The following AGTPBP1 variants were observed in gnomAD, a reference collection of about 807,000 sequenced individuals.
AGTPBP1 encodes the protein ATP/GTP binding carboxypeptidase 1, also known as cytosolic carboxypeptidase 1.
A neutral mutation model predicts 143.9 loss-of-function variants in AGTPBP1; 70 were observed. The observed-to-expected ratio is 0.49, with a 90% CI of 0.40 to 0.59. The LOEUF is 0.59. Ranked by LOEUF, AGTPBP1 falls within the 20% of genes least tolerant of loss-of-function variation. The pLI is 0.00. For synonymous variants in AGTPBP1, 463 were observed against 500.2 expected (o/e 0.93, Z 0.99); for missense variants, 1,229 against 1,464.5 (o/e 0.84, Z 2.62).
chr9:85,732,893 T>C (rs1838984055), intron 1 of AGTPBP1, among the ~76,000 whole-genome samples: 1 of 152,228 alleles, frequency 6.6e-6, no homozygotes, highest in East Asian at 1.9e-4. Context: ...AAGTATATTA[T>C]ATATTAATAA....
the AGTPBP1 span, among the ~76,000 whole-genome samples, chr9:85,778,627 G>A: frequency 2.0e-5 from 3 of 152,114 alleles, no homozygotes; most frequent in Non-Finnish European, 4.4e-5. Flanking sequence ...CCCAAATGAG[G>A]AATGTGCTGC....
chr9:85,663,926 TAAAC>T lies in AGTPBP1; in HGVS notation c.663-2957_663-2954del, dbSNP rs10617691. 3.3e-3 allele frequency among the ~76,000 whole-genome samples: 502 copies of T among 152,114 alleles called. 3 individuals are homozygous for T. The highest frequency in any genetic ancestry group is 0.011 in the African/African-American group (443 of 41,516). On this transcript the variant is annotated intron_variant, in intron 8 of 25. Coordinates refer to ENST00000357081, the MANE Select transcript of AGTPBP1 (RefSeq NM_001330701.2). ...AAATGTCCATTAAGAGGTGAATAAATAAACAAATGACAATACAGCCATATAACTG... is the reference window on the plus strand; with the variant it reads ...AAATGTCCATTAAGAGGTGAATAAATAAATGACAATACAGCCATATAACTG...
At chr9:85,668,152 A>G (rs374039842) in intron 8 of AGTPBP1, among the ~76,000 whole-genome samples, 17 of 152,246 alleles carry the variant, frequency 1.1e-4, no homozygotes, top group Middle Eastern at 3.4e-3. Context: ...TGATAGTACA[A>G]CTGGGTAACA....
chr9:85,683,028 C>CG (rs1269457455), intron 3 of AGTPBP1, among the ~76,000 whole-genome samples: 2 of 152,150 alleles, frequency 1.3e-5, no homozygotes, highest in South Asian at 2.1e-4. Context: ...TGCATCATCT[C>CG]GGGTTCAGTT....
intron 3 of AGTPBP1, among the ~76,000 whole-genome samples, chr9:85,686,444 C>CT (rs1171142637): frequency 6.6e-6 from 1 of 152,090 alleles, no homozygotes; most frequent in Non-Finnish European, 1.5e-5. Context: ...TCTTCACCCT[C>CT]TTATAGCCCT....
the AGTPBP1 span, chr9:85,773,862 C>T: frequency 5.6e-5 from 90 of 1,608,990 alleles, no homozygotes; most frequent in Non-Finnish European, 7.2e-5. Context: ...AGAAGCTGAA[C>T]GGAAACAACA....
In AGTPBP1 at chr9:85,677,449, C is replaced by G; in HGVS notation, c.423G>C (p.Lys141Asn). The change falls in exon 6 of 26, where the codon AAG becomes AAC. Residue 141 changes from lysine (K) to asparagine (N), a missense_variant. By Grantham distance (94) the Lys-to-Asn change is moderately conservative (BLOSUM62 0). This residue lies in a region of AGTPBP1 where 743 missense variants were observed against 812.2 expected (regional missense o/e 0.91). Transcript: ENST00000357081. ...LMVQIHSILA[K>N]IGPKDKKFGV... ...GAAATCCCTTACCTTTTGGTCCAAT[C>G]TTTGCAAGAATAGAATGAATCTGTA... 2 of 1,606,098 alleles carry G rather than the reference C, an allele frequency of 1.2e-6. No individual in the cohort carries two copies. Among genetic ancestry groups the G allele is most frequent in the Non-Finnish European group, 1.7e-6 (2 of 1,176,696 alleles).
At chr9:85,618,487 A>G (rs1830722728) in intron 17 of AGTPBP1, among the ~76,000 whole-genome samples, 1 of 152,148 alleles carries the variant, frequency 6.6e-6, no homozygotes, top group South Asian at 2.1e-4. Flanking sequence ...CCTCTTTAGT[A>G]GAAATGAAAA....
rs541888401 is a variant in AGTPBP1 at position 85,621,130 on chromosome 9, C to A, written c.2099+72G>T. ...CCAACATTTTTCACAGAATTTTTAT[C>A]TTTTAGAAATAATACTAAAATTTTA... On this transcript the variant is annotated intron_variant, in intron 15 of 25. Transcript: ENST00000357081. 70 of 813,480 alleles carry A rather than the reference C, an allele frequency of 8.6e-5. No individual in the cohort carries two copies. The East Asian group carries it at 2.4e-3, about 28-fold the overall frequency. The allele number at this position is 813,480 out of a possible 1,614,324, so 50.4% of individuals were successfully genotyped here.
chr9:85,655,514 G>A (rs560469678), intron 10 of AGTPBP1, among the ~76,000 whole-genome samples, 194 bp from the exon 11 acceptor site: 1 of 152,206 alleles, frequency 6.6e-6, no homozygotes, highest in South Asian at 2.1e-4. Context: ...AGAACCCCAT[G>A]TGGCAAATTC....
chr9:85,659,234 T>C (rs1392272649), intron 9 of AGTPBP1, among the ~76,000 whole-genome samples: 1 of 152,168 alleles, frequency 6.6e-6, no homozygotes, highest in Non-Finnish European at 1.5e-5. Flanking sequence ...ATTCATGTAT[T>C]CAGTGTACCA....
At chr9:85,680,526 T>C (rs1400365895) in intron 4 of AGTPBP1, among the ~76,000 whole-genome samples, 5 of 151,720 alleles carry the variant, frequency 3.3e-5, no homozygotes, top group South Asian at 2.1e-4. Flanking sequence ...AGAGGTTGCA[T>C]TGAGCCGAGA....
chr9:85,573,386 G>A lies in AGTPBP1; in HGVS notation c.3503+1929C>T, dbSNP rs557199685. Among the ~76,000 whole-genome samples the A allele has an allele frequency of 2.4e-4, 36 of 152,334 alleles. No homozygotes were observed. The South Asian group carries it at 6.0e-3, about 25-fold the overall frequency. ...CTCCCGAGGTGCTGGGATTGCAGACGGAGTCTCGTTCACTCAGTGCTCAAT... is the reference window on the plus strand; with the variant it reads ...CTCCCGAGGTGCTGGGATTGCAGACAGAGTCTCGTTCACTCAGTGCTCAAT... On this transcript the variant is annotated intron_variant, in intron 25 of 25. Coordinates refer to ENST00000357081, the MANE Select transcript of AGTPBP1 (RefSeq NM_001330701.2).
chr9:85,634,382 G>C (rs1264858889), intron 13 of AGTPBP1, among the ~76,000 whole-genome samples: 2 of 152,068 alleles, frequency 1.3e-5, no homozygotes, highest in African/African-American at 2.4e-5. Flanking sequence ...GAGAGGACTA[G>C]AGCACATAGC....
chr9:85,567,785 A>T (rs1220908062), intron 25 of AGTPBP1, among the ~76,000 whole-genome samples: 1 of 152,188 alleles, frequency 6.6e-6, no homozygotes, highest in Admixed American at 6.5e-5. Context: ...CAGTTAAGAG[A>T]TATGCATGGA....
At chr9:85,626,835 T>G (rs1490300302) in intron 14 of AGTPBP1, among the ~76,000 whole-genome samples, 1 of 152,182 alleles carries the variant, frequency 6.6e-6, no homozygotes, top group Non-Finnish European at 1.5e-5. Context: ...GAATATGAAT[T>G]TCATATCATT....
At chr9:85,772,573 CCT>C in the AGTPBP1 span, among the ~76,000 whole-genome samples, 1 of 152,118 alleles carries the variant, frequency 6.6e-6, no homozygotes, top group Admixed American at 6.5e-5. Context: ...ATAGTGAGAC[CCT>C]GTCTCTACGA....
intron 8 of AGTPBP1, among the ~76,000 whole-genome samples, chr9:85,668,335 A>G (rs1834257390): frequency 6.6e-6 from 1 of 151,992 alleles, no homozygotes; most frequent in African/African-American, 2.4e-5. Context: ...ACCAGATTTT[A>G]GATTGTATTA....
At chr9:85,730,268 T>C (rs1838790708) in intron 1 of AGTPBP1, among the ~76,000 whole-genome samples, 2 of 152,240 alleles carry the variant, frequency 1.3e-5, no homozygotes, top group South Asian at 4.1e-4. Flanking sequence ...CAGATATTGA[T>C]TTATTGCCCC....
Sources: allele counts gnomAD v4.1 joint callset (sites outside exome capture counted in the v4.1 genomes callset), GRCh38; gene constraint gnomAD v4.1.1; regional missense constraint gnomAD v4.1.1; transcripts MANE v1.5; gene names NCBI Gene and HGNC (gene_info 2026-07-23, HGNC 2026-07-21).